NCS1: variants seen among roughly 807,000 people sequenced by gnomAD.
NCS1 encodes neuronal calcium sensor 1, also known as frequenin homolog.
NCS1 carries 6 observed loss-of-function variants against 28.4 expected under a neutral mutation model. The observed-to-expected ratio is 0.21, with a 90% CI of 0.12 to 0.42. The LOEUF is 0.42. Ranked by LOEUF, NCS1 falls within the 10% of genes least tolerant of loss-of-function variation. NCS1 has a pLI of 1.00. For missense variants in NCS1, 131 were observed against 241.4 expected (o/e 0.54, Z 3.03); for synonymous variants, 86 against 99.3 (o/e 0.87, Z 0.79).
At chr9:130,222,096 G>GTGTATATATATATACGTATATATATA (rs1564714034) in intron 4 of NCS1, among the ~76,000 whole-genome samples, 2 of 64,722 alleles carry the variant, frequency 3.1e-5, no homozygotes, top group African/African-American at 1.1e-4. Context: ...ATATATGTGT[G>GTGTATATATATATACGTATATATATA]TGTGTATATA....
chr9:130,229,707 A>T (rs950732300), intron 7 of NCS1, among the ~76,000 whole-genome samples: 11 of 152,158 alleles, frequency 7.2e-5, no homozygotes, highest in African/African-American at 2.7e-4. Context: ...CCCTCGCATG[A>T]TATGATCCCC....
intron 1 of NCS1, among the ~76,000 whole-genome samples, chr9:130,194,251 G>A (rs1832850149): frequency 6.6e-6 from 1 of 152,214 alleles, no homozygotes. Context: ...TGGCTCTCGT[G>A]TTCATTCCTG....
chr9:130,230,316 A>T (rs1833483224), intron 7 of NCS1, among the ~76,000 whole-genome samples: 1 of 152,142 alleles, frequency 6.6e-6, no homozygotes, highest in South Asian at 2.1e-4. Context: ...ACTCCACTGC[A>T]CTCCAGCCTG....
intron 4 of NCS1, among the ~76,000 whole-genome samples, chr9:130,221,407 T>TAGAGAG (rs1224970441): frequency 9.4e-5 from 4 of 42,726 alleles, no homozygotes; most frequent in Admixed American, 3.4e-4. Flanking sequence ...TATATATATA[T>TAGAGAG]ATATATAGAG....
At chr9:130,179,393 A>G (rs1394517612) in intron 1 of NCS1, among the ~76,000 whole-genome samples, 1 of 152,132 alleles carries the variant, frequency 6.6e-6, no homozygotes, top group South Asian at 2.1e-4. Flanking sequence ...ATTTTATTTA[A>G]TCTCCTGTCA....
At chr9:130,229,542 C>T (rs374355897) in intron 7 of NCS1, among the ~76,000 whole-genome samples, 8 of 152,216 alleles carry the variant, frequency 5.3e-5, no homozygotes, top group East Asian at 3.9e-4. Flanking sequence ...TGTGGGCCAT[C>T]GCGCCTGGCC....
chr9:130,175,599 C>T lies in NCS1; in HGVS notation c.64+2872C>T, dbSNP rs1426027524. 2.0e-5 allele frequency among the ~76,000 whole-genome samples: 3 copies of T among 152,024 alleles called. No individual in the cohort carries two copies. The highest frequency in any genetic ancestry group is 2.1e-4 in the South Asian group (1 of 4,802). ...TAGCTGGCCACAGTGCCAAGGGGGCCTAGAGGGGAGCCATGGGTCCACGTC... is the reference window on the plus strand; with the variant it reads ...TAGCTGGCCACAGTGCCAAGGGGGCTTAGAGGGGAGCCATGGGTCCACGTC... On this transcript the variant is annotated intron_variant, in intron 1 of 7. Coordinates refer to ENST00000372398, the MANE Select transcript of NCS1 (RefSeq NM_014286.4). This position sits in a 1 kb window ranked among gnomAD's most constrained non-coding sequence, Gnocchi z 4.9.
In NCS1 at chr9:130,219,799, A is replaced by G; in HGVS notation, c.303A>G (p.Leu101=). The change falls in exon 4 of 8, where the codon CTA becomes CTG. Residue 101 remains leucine, a synonymous_variant. Coordinates refer to ENST00000372398, the MANE Select transcript of NCS1 (RefSeq NM_014286.4). The surrounding 1 kb of genome is among the most constrained non-coding windows in gnomAD (Gnocchi z 5.7). ...VTSRGTLDEK[L]RWAFKLYDLD... The stretch of plus-strand genomic sequence containing the variant: ...CACGGGGAACCCTGGATGAGAAGCT[A>G]CGGTGTAAGTCCTGCCCCCTTGGCC... The G allele has an allele frequency of 1.2e-6, 2 of 1,614,162 alleles. No individual in the cohort carries two copies. Among genetic ancestry groups the G allele is most frequent in the Non-Finnish European group, 8.5e-7 (1 of 1,180,000 alleles).
At position 130,180,299 on chromosome 9, in the gene NCS1, G is replaced by A. The variant is rs146901394; in HGVS notation, c.64+7572G>A. Among the ~76,000 whole-genome samples, 62 of 152,236 alleles carry A rather than the reference G, an allele frequency of 4.1e-4. No homozygotes were observed. In the East Asian group the frequency reaches 0.012, roughly 28 times the overall value. On this transcript the variant is annotated intron_variant, in intron 1 of 7. Coordinates refer to ENST00000372398, the MANE Select transcript of NCS1 (RefSeq NM_014286.4). This position sits in a 1 kb window ranked among gnomAD's most constrained non-coding sequence, Gnocchi z 4.5. ...TGCACCCACCTTGGCCTCCCAAAGTGCTGGGATTACAGGCGTGAGCCACCA... is the reference window on the plus strand; with the variant it reads ...TGCACCCACCTTGGCCTCCCAAAGTACTGGGATTACAGGCGTGAGCCACCA...
intron 2 of NCS1, among the ~76,000 whole-genome samples, chr9:130,213,883 C>G (rs1448931678): frequency 6.6e-6 from 1 of 152,220 alleles, no homozygotes; most frequent in Admixed American, 6.5e-5. Context: ...CTGGCCACAC[C>G]TCAGTGGTTT....
chr9:130,221,293 GAAT>G (rs1564713466), intron 4 of NCS1, among the ~76,000 whole-genome samples: 1 of 148,096 alleles, frequency 6.8e-6, no homozygotes, highest in Non-Finnish European at 1.5e-5. Flanking sequence ...CAAAGTGCTG[GAAT>G]TACAGGTGTG....
chr9:130,211,844 A>G (rs985663365), intron 2 of NCS1, among the ~76,000 whole-genome samples: 1 of 152,144 alleles, frequency 6.6e-6, no homozygotes, highest in African/African-American at 2.4e-5. Context: ...AGTCACTCAA[A>G]TCATTCCCAA....
intron 1 of NCS1, among the ~76,000 whole-genome samples, chr9:130,184,106 G>A (rs1472726177): frequency 3.9e-5 from 6 of 152,166 alleles, no homozygotes; most frequent in South Asian, 4.2e-4. Flanking sequence ...CACCGCGCCC[G>A]GCGTCTTTTC....
chr9:130,205,050 A>T (rs1223888247), intron 2 of NCS1, among the ~76,000 whole-genome samples: 1 of 151,922 alleles, frequency 6.6e-6, no homozygotes, highest in East Asian at 1.9e-4. Flanking sequence ...GTGGGCTGAG[A>T]AATGTCCTGT....
chr9:130,215,720 A>G lies in NCS1; in HGVS notation c.90-2112A>G, dbSNP rs1564711802. Among the ~76,000 whole-genome samples the G allele has an allele frequency of 6.6e-6, 1 of 152,148 alleles. No individual in the cohort carries two copies. Among genetic ancestry groups the G allele is most frequent in the African/African-American group, 2.4e-5 (1 of 41,440 alleles). ...GTTTGGGCTGCTATTATGGGCTGTT[A>G]CAAAGGCCTGTGGTTCCTGAGCCAG... On this transcript the variant is annotated intron_variant, in intron 2 of 7. Coordinates refer to ENST00000372398, the MANE Select transcript of NCS1 (RefSeq NM_014286.4). This position sits in a 1 kb window ranked among gnomAD's most constrained non-coding sequence, Gnocchi z 4.2.
intron 1 of NCS1, among the ~76,000 whole-genome samples, chr9:130,198,951 C>T (rs1832908475): frequency 1.3e-5 from 2 of 152,206 alleles, no homozygotes; most frequent in African/African-American, 4.8e-5. Context: ...CACCTTCCCT[C>T]TCCACCCCCA....
At chr9:130,173,100 C>T (rs1416048591) in intron 1 of NCS1, among the ~76,000 whole-genome samples, 1 of 152,086 alleles carries the variant, frequency 6.6e-6, no homozygotes, top group East Asian at 1.9e-4. Flanking sequence ...GCGGAGCCGA[C>T]TGGCACGAGC....
rs1833554924 is a variant in NCS1 at position 130,234,730 on chromosome 9, T to C, written c.*1758T>C. On this transcript the variant is annotated 3_prime_UTR_variant, in exon 8 of 8. Transcript: ENST00000372398. This position sits in a 1 kb window ranked among gnomAD's most constrained non-coding sequence, Gnocchi z 6.1. ...TCAGTTCCAGCAGATGAATGTGTCA[T>C]GTGGCACACCTTGTCCCTTCCCGCA... 3 of 152,394 alleles carry C rather than the reference T, an allele frequency of 2.0e-5. No homozygotes were observed. The South Asian group carries it at 6.2e-4, about 32-fold the overall frequency. 9.4% of individuals were successfully genotyped at this position (152,394 alleles called of 1,614,324 possible).
intron 2 of NCS1, among the ~76,000 whole-genome samples, chr9:130,211,603 C>A (rs1034203216): frequency 4.6e-5 from 7 of 151,840 alleles, no homozygotes; most frequent in African/African-American, 1.7e-4. Flanking sequence ...GAGAGGTGGG[C>A]AGGGCCAGGA....
Sources: gnomAD v4.1 joint callset for allele counts (sites outside exome capture counted in the v4.1 genomes callset) on GRCh38, gnomAD v4.1.1 for gene constraint, Gnocchi (gnomAD v3.1) non-coding constraint, MANE v1.5 for transcripts, NCBI Gene and HGNC (gene_info 2026-07-23, HGNC 2026-07-21) for gene names.